ERBIN: variants seen among roughly 807,000 people sequenced by gnomAD.
The protein encoded by ERBIN is densin-180-like protein.
ERBIN carries 60 observed loss-of-function variants against 158.4 expected under a neutral mutation model. The ratio of observed to expected loss-of-function variants is 0.38; its 90% CI spans 0.31 to 0.47. The LOEUF is 0.47. Among genes scored for constraint, ERBIN ranks in the 20% least tolerant of loss-of-function variants. The pLI, the probability that ERBIN is intolerant of heterozygous loss-of-function variation, is 0.99. For missense variants in ERBIN, 1,610 were observed against 1,648.0 expected (o/e 0.98, Z 0.40); for synonymous variants, 594 against 557.2 (o/e 1.07, Z -0.93).
intron 5 of ERBIN, 82 bp downstream of exon 5, chr5:66,012,209 CAAA>C: frequency 2.2e-6 from 2 of 913,360 alleles, no homozygotes; most frequent in South Asian, 2.0e-5. Flanking sequence ...CATATTTTAA[CAAA>C]AATTTTATAT....
intron 20 of ERBIN, among the ~76,000 whole-genome samples, chr5:66,052,641 T>C (rs1354267626): frequency 1.3e-5 from 2 of 152,172 alleles, no homozygotes; most frequent in East Asian, 1.9e-4. Flanking sequence ...TTTTTTGTAA[T>C]GGGAAGACCA....
chr5:65,948,979 G>T (rs975369068), intron 1 of ERBIN, among the ~76,000 whole-genome samples: 4 of 151,914 alleles, frequency 2.6e-5, no homozygotes, highest in African/African-American at 9.7e-5. Flanking sequence ...GGCCAGGCTG[G>T]TCTCAAACTC....
At chr5:65,931,642 G>A (rs1026579790) in intron 1 of ERBIN, among the ~76,000 whole-genome samples, 7 of 152,048 alleles carry the variant, frequency 4.6e-5, no homozygotes, top group African/African-American at 1.7e-4. Flanking sequence ...TAGTGGCAAT[G>A]TTTTATATTT....
At chr5:65,954,706 T>C (rs1208082854) in intron 1 of ERBIN, among the ~76,000 whole-genome samples, 1 of 151,678 alleles carries the variant, frequency 6.6e-6, no homozygotes, top group Non-Finnish European at 1.5e-5. Flanking sequence ...AAAAATTGAG[T>C]GTGAAACAAT....
chr5:65,943,790 G>A (rs1033109759), intron 1 of ERBIN, among the ~76,000 whole-genome samples: 14 of 152,068 alleles, frequency 9.2e-5, no homozygotes, highest in Admixed American at 2.6e-4. Context: ...CTTCACCACT[G>A]TTCATCTCCA....
chr5:66,026,456 CAT>C, intron 13 of ERBIN, 39 bp downstream of exon 13: 1 of 1,150,762 alleles, frequency 8.7e-7, no homozygotes, highest in Non-Finnish European at 1.2e-6. Context: ...TTATAGGAGA[CAT>C]TGGTTAGATG....
intron 17 of ERBIN, 133 bp from the exon 18 acceptor site, chr5:66,046,220 A>G (rs1201402124): frequency 2.4e-5 from 11 of 465,508 alleles, no homozygotes; most frequent in Non-Finnish European, 3.3e-5. Flanking sequence ...ACAGGTTTCT[A>G]TGTTTAAAGT....
At chr5:66,002,002 C>T (rs560270370) in intron 4 of ERBIN, among the ~76,000 whole-genome samples, 3 of 152,224 alleles carry the variant, frequency 2.0e-5, no homozygotes, top group African/African-American at 7.2e-5. Context: ...GTGTGATGTT[C>T]CCCTCCCTGC....
rs543419553 is a variant in ERBIN, at chr5:66,004,819, T to G, written c.308-7230T>G. Among the ~76,000 whole-genome samples, 7 of 152,284 alleles carry G rather than the reference T, an allele frequency of 4.6e-5. 1 individual carries two copies. In the South Asian group the frequency reaches 1.0e-3, roughly 23 times the overall value. ...GCCATGTGAATAACTAAGGTAAGGA[T>G]GTACCAGAAGCTATTTTGTAAGGTG... On this transcript the variant is annotated intron_variant, in intron 4 of 25. Coordinates refer to ENST00000284037, the MANE Select transcript of ERBIN (RefSeq NM_001253697.2).
At chr5:65,993,990 A>G (rs1412861278) in intron 3 of ERBIN, among the ~76,000 whole-genome samples, 1 of 152,202 alleles carries the variant, frequency 6.6e-6, no homozygotes, top group Non-Finnish European at 1.5e-5. Flanking sequence ...ATTTGTGTGT[A>G]TATACATACT....
At chr5:66,023,464 T>A in intron 9 of ERBIN, 100 bp downstream of exon 9, 2 of 659,096 alleles carry the variant, frequency 3.0e-6, no homozygotes, top group Non-Finnish European at 5.0e-6. Flanking sequence ...AATAAAAAAA[T>A]TGAATTATTC....
chr5:65,984,206 C>T (rs377011324), intron 1 of ERBIN, among the ~76,000 whole-genome samples: 2 of 152,262 alleles, frequency 1.3e-5, no homozygotes, highest in South Asian at 4.1e-4. Context: ...CTTGCTATTC[C>T]GTTTGCACAC....
intron 1 of ERBIN, among the ~76,000 whole-genome samples, chr5:65,964,093 C>G (rs1748252573): frequency 6.6e-6 from 1 of 152,156 alleles, no homozygotes; most frequent in Non-Finnish European, 1.5e-5. Flanking sequence ...GCCACTGCGC[C>G]TGGCCGGTGT....
intron 1 of ERBIN, among the ~76,000 whole-genome samples, chr5:65,943,776 T>C (rs540061517): frequency 6.6e-6 from 1 of 152,354 alleles, no homozygotes; most frequent in East Asian, 1.9e-4. Context: ...TATTATTGTA[T>C]ACCCTTCACC....
At chr5:65,972,762 T>C (rs115775453) in intron 1 of ERBIN, among the ~76,000 whole-genome samples, 1,840 of 151,504 alleles carry the variant, frequency 0.012, 110 homozygotes, top group Middle Eastern at 0.065. Flanking sequence ...AGTGGTGGTA[T>C]TTTAAAGCTT....
At chr5:66,038,811 C>T (rs888432303) in intron 15 of ERBIN, among the ~76,000 whole-genome samples, 2 of 112,956 alleles carry the variant, frequency 1.8e-5, no homozygotes, top group Admixed American at 8.8e-5. Flanking sequence ...TTTTCTTCAC[C>T]TGTGAACTTA....
At chr5:65,945,708 A>G (rs1204114137) in intron 1 of ERBIN, among the ~76,000 whole-genome samples, 1 of 152,238 alleles carries the variant, frequency 6.6e-6, no homozygotes, top group Non-Finnish European at 1.5e-5. Flanking sequence ...TTTTTAAAAT[A>G]AAAATAAAGT....
chr5:65,968,704 G>T (rs1289940265), intron 1 of ERBIN, among the ~76,000 whole-genome samples: 1 of 152,074 alleles, frequency 6.6e-6, no homozygotes, highest in Non-Finnish European at 1.5e-5. Flanking sequence ...GGGACTACAA[G>T]CGCCTGCCAC....
intron 21 of ERBIN, among the ~76,000 whole-genome samples, chr5:66,065,992 T>C (rs1007461171): frequency 6.6e-6 from 1 of 152,166 alleles, no homozygotes; most frequent in Non-Finnish European, 1.5e-5. Context: ...TGAAGCATAA[T>C]TTGAGTAATT....
Sources: allele counts gnomAD v4.1 joint callset (sites outside exome capture counted in the v4.1 genomes callset), GRCh38; gene constraint gnomAD v4.1.1; transcripts MANE v1.5; gene names NCBI Gene and HGNC (gene_info 2026-07-23, HGNC 2026-07-21).